The following APBA1 variants were observed in gnomAD, a reference collection of about 807,000 sequenced individuals.
APBA1 encodes the protein amyloid beta precursor protein binding family A member 1, also known as amyloid-beta A4 precursor protein-binding family A member 1.
Under a neutral mutation model 86.6 loss-of-function variants are expected in APBA1, and 55 were observed. The observed-to-expected ratio is 0.64, with a 90% CI of 0.51 to 0.80. The LOEUF (loss-of-function observed/expected upper bound fraction) is 0.80, where lower values mean the gene tolerates loss of function less well. APBA1 is among the 30% of genes least tolerant of loss of function. The pLI, the probability that APBA1 is intolerant of heterozygous loss-of-function variation, is 0.00. For missense variants in APBA1, 1,090 were observed against 1,183.0 expected (o/e 0.92, Z 1.15); for synonymous variants, 511 against 493.9 (o/e 1.03, Z -0.46).
In APBA1 at chr9:69,441,404, G is replaced by A. The variant is rs532181985; in HGVS notation, c.2182-289C>T. On this transcript the variant is annotated intron_variant, in intron 10 of 12. Coordinates refer to ENST00000265381, the MANE Select transcript of APBA1 (RefSeq NM_001163.4). ...GAAGTGGGCTGGGTTCAAGGGATCT[G>A]ATCAAAGTACTTGTGCAACTATGAG... Among the ~76,000 whole-genome samples, 3 of 152,320 alleles carry A rather than the reference G, an allele frequency of 2.0e-5. No individual in the cohort carries two copies. In the South Asian group the frequency reaches 6.2e-4, roughly 32 times the overall value.
chr9:69,494,241 A>G (rs1187502284), intron 2 of APBA1: 1 of 152,090 alleles, frequency 6.6e-6, no homozygotes, highest in East Asian at 1.9e-4. Context: ...TGAGATAACC[A>G]TCAGCTAAAA....
At chr9:69,570,047 A>C (rs1331868763) in intron 1 of APBA1, among the ~76,000 whole-genome samples, 1 of 152,222 alleles carries the variant, frequency 6.6e-6, no homozygotes, top group Non-Finnish European at 1.5e-5. Context: ...TTGAGAAGGC[A>C]CTTAACTCAT....
At chr9:69,596,013 G>A (rs1446622581) in intron 1 of APBA1, among the ~76,000 whole-genome samples, 3 of 152,088 alleles carry the variant, frequency 2.0e-5, no homozygotes, top group African/African-American at 4.8e-5. Flanking sequence ...TGGGAGACAA[G>A]GTCTAGTTCT....
At chr9:69,562,097 G>A (rs1490223011) in intron 1 of APBA1, among the ~76,000 whole-genome samples, 2 of 151,994 alleles carry the variant, frequency 1.3e-5, no homozygotes, top group African/African-American at 4.8e-5. Context: ...CTCAAAGTAG[G>A]CCTAATAATA....
In APBA1 at chr9:69,429,069, C is replaced by T. The variant is rs1352385590; in HGVS notation, c.*2258G>A. 6.6e-6 allele frequency: 1 copy of T among 152,250 alleles called. No homozygotes were observed. The highest frequency in any genetic ancestry group is 2.4e-5 in the African/African-American group (1 of 41,458). 9.4% of individuals were successfully genotyped at this position (152,250 alleles called of 1,614,324 possible). A position where few individuals can be genotyped will look rare whatever the true frequency, so the allele number is the denominator to read the frequency against. On this transcript the variant is annotated 3_prime_UTR_variant, in exon 13 of 13. Transcript: ENST00000265381. ...TATGTGCAGGTTGTACAGGGATGCA[C>T]TACTGGAGTTCTGTCCCCTGGCCAG...
Position 69,536,704 on chromosome 9 carries a change from T to TAAA in APBA1, c.-69-19428_-69-19426dup, listed in dbSNP as rs71356116. ...CAACATGAAGAAACCCCATCTCTAC[T>TAAA]AAAAAAAAAAAAAAAAAAAAAAAAA... On this transcript the variant is annotated intron_variant, in intron 1 of 12. Transcript: ENST00000265381. 3.4e-4 allele frequency among the ~76,000 whole-genome samples: 19 copies of TAAA among 55,954 alleles called. 1 individual carries two copies. Among genetic ancestry groups the TAAA allele is most frequent in the East Asian group, 1.6e-3 (3 of 1,820 alleles). 36.7% of individuals were successfully genotyped at this position (55,954 alleles called of 152,430 possible). A position where few individuals can be genotyped will look rare whatever the true frequency, so the allele number is the denominator to read the frequency against.
chr9:69,552,312 G>C (rs1836797711), intron 1 of APBA1, among the ~76,000 whole-genome samples: 1 of 152,200 alleles, frequency 6.6e-6, no homozygotes, highest in South Asian at 2.1e-4. Flanking sequence ...GTGTTTTTCT[G>C]TTCAAGTATT....
At chr9:69,539,453 T>G (rs771204745) in intron 1 of APBA1, among the ~76,000 whole-genome samples, 2 of 152,236 alleles carry the variant, frequency 1.3e-5, no homozygotes, top group Non-Finnish European at 2.9e-5. Context: ...CAACTCTTGT[T>G]ATTTCTACTT....
chr9:69,553,694 A>G (rs1256814449), intron 1 of APBA1, among the ~76,000 whole-genome samples: 2 of 152,196 alleles, frequency 1.3e-5, no homozygotes, highest in East Asian at 3.8e-4. Flanking sequence ...ACTGGGATAG[A>G]TGGACATAGC....
intron 10 of APBA1, among the ~76,000 whole-genome samples, chr9:69,447,688 T>C (rs972070884): frequency 2.6e-5 from 4 of 152,130 alleles, no homozygotes; most frequent in Admixed American, 1.3e-4. Context: ...GACGATTACA[T>C]CATCTTGCTG....
At chr9:69,540,936 A>G (rs2133917639) in intron 1 of APBA1, among the ~76,000 whole-genome samples, 1 of 152,340 alleles carries the variant, frequency 6.6e-6, no homozygotes, top group South Asian at 2.1e-4. Context: ...ATATAGGTGA[A>G]ATCATACAGT....
intron 1 of APBA1, among the ~76,000 whole-genome samples, chr9:69,633,353 A>G (rs1823088577): frequency 6.6e-6 from 1 of 152,066 alleles, no homozygotes; most frequent in Admixed American, 6.6e-5. Flanking sequence ...ATGCTTTTCA[A>G]CATACAGCCG....
At chr9:69,506,221 C>G (rs1035614068) in intron 2 of APBA1, among the ~76,000 whole-genome samples, 2 of 151,624 alleles carry the variant, frequency 1.3e-5, no homozygotes, top group African/African-American at 4.9e-5. Flanking sequence ...GCACCGTGCG[C>G]GAGCCAAAGC....
intron 2 of APBA1, among the ~76,000 whole-genome samples, chr9:69,498,207 T>C (rs1835830105): frequency 6.6e-6 from 1 of 152,128 alleles, no homozygotes; most frequent in African/African-American, 2.4e-5. Flanking sequence ...TTATCCTGCA[T>C]ACTTTATGAA....
Position 69,516,410 on chromosome 9 carries a change from C to T in APBA1, c.801G>A (p.Glu267=). The change falls in exon 2 of 13, where the codon GAG becomes GAA. Residue 267 remains glutamate, a synonymous_variant. Coordinates refer to ENST00000265381, the MANE Select transcript of APBA1 (RefSeq NM_001163.4). This position sits in a 1 kb window ranked among gnomAD's most constrained non-coding sequence, Gnocchi z 7.3. ...PYPRMDSYEQ[E]EDIDQIVAEV... ...CGGCCACTATCTGGTCGATGTCCTC[C>T]TCCTGCTCGTAGCTGTCCATGCGCG... 6.2e-7 allele frequency: 1 copy of T among 1,604,952 alleles called. No individual in the cohort carries two copies. The highest frequency in any genetic ancestry group is 8.5e-7 in the Non-Finnish European group (1 of 1,178,760).
chr9:69,522,066 T>A (rs1422413722), intron 1 of APBA1, among the ~76,000 whole-genome samples: 3 of 62,564 alleles, frequency 4.8e-5, no homozygotes, highest in African/African-American at 1.6e-4. Context: ...CACACCATTT[T>A]ATACACACAC....
At chr9:69,630,071 A>C (rs986077813) in intron 1 of APBA1, among the ~76,000 whole-genome samples, 14 of 152,258 alleles carry the variant, frequency 9.2e-5, no homozygotes, top group African/African-American at 3.4e-4. Flanking sequence ...TATTAAAAAA[A>C]AAAAGCAGGA....
At chr9:69,482,158 A>G (rs1469403062) in intron 2 of APBA1, among the ~76,000 whole-genome samples, 2 of 152,078 alleles carry the variant, frequency 1.3e-5, no homozygotes, top group Admixed American at 1.3e-4. Context: ...GCACAGCAAA[A>G]GAAACTACCA....
chr9:69,454,724 T>C lies in APBA1; in HGVS notation c.1788+1523A>G, dbSNP rs1293705022. Among the ~76,000 whole-genome samples the C allele has an allele frequency of 3.3e-5, 5 of 152,128 alleles. No individual in the cohort carries two copies. In the East Asian group the frequency reaches 7.7e-4, roughly 23 times the overall value. ...CCCAAGGAGAAGAAACCCCTCCCTATGAGCTCCAGCCAGATGGAGGTAGCA... is the reference window on the plus strand; with the variant it reads ...CCCAAGGAGAAGAAACCCCTCCCTACGAGCTCCAGCCAGATGGAGGTAGCA... On this transcript the variant is annotated intron_variant, in intron 8 of 12. Coordinates refer to ENST00000265381, the MANE Select transcript of APBA1 (RefSeq NM_001163.4).
Sources: gnomAD v4.1 joint callset for allele counts (sites outside exome capture counted in the v4.1 genomes callset) on GRCh38, gnomAD v4.1.1 for gene constraint, Gnocchi (gnomAD v3.1) non-coding constraint, MANE v1.5 for transcripts, NCBI Gene and HGNC (gene_info 2026-07-23, HGNC 2026-07-21) for gene names.